SORT1: variants seen among roughly 807,000 people sequenced by gnomAD.
The protein encoded by SORT1 is sortilin.
Under a neutral mutation model 101.7 loss-of-function variants are expected in SORT1, and 39 were observed. The observed-to-expected ratio is 0.38, with a 90% confidence interval of 0.30 to 0.50. The LOEUF (loss-of-function observed/expected upper bound fraction) is 0.50, where lower values mean the gene tolerates loss of function less well. Ranked by LOEUF, SORT1 falls within the 20% of genes least tolerant of loss-of-function variation. The pLI, the probability that SORT1 is intolerant of heterozygous loss-of-function variation, is 0.90. For missense variants in SORT1, 878 were observed against 1,040.4 expected (o/e 0.84, Z 2.15); for synonymous variants, 396 against 393.7 (o/e 1.01, Z -0.07).
chr1:109,345,705 T>C, intron 8 of SORT1, 46 bp downstream of exon 8: 6 of 1,547,418 alleles, frequency 3.9e-6, no homozygotes, highest in Non-Finnish European at 5.3e-6. Flanking sequence ...ATACGAGAGA[T>C]ATTTGCAGAA....
At chr1:109,335,391 CAG>C (rs1474510442) in intron 11 of SORT1, among the ~76,000 whole-genome samples, 7 of 152,134 alleles carry the variant, frequency 4.6e-5, no homozygotes, top group Admixed American at 6.5e-5. Flanking sequence ...AGATGGGAAA[CAG>C]GGGTCAGAAA....
chr1:109,326,468 TACACAC>T (rs758005459), intron 13 of SORT1, among the ~76,000 whole-genome samples: 39 of 62,718 alleles, frequency 6.2e-4, no homozygotes, highest in East Asian at 3.2e-3. Context: ...TATATATACA[TACACAC>T]ACACACACAC....
At chr1:109,360,955 C>T (rs1335444631) in intron 3 of SORT1, among the ~76,000 whole-genome samples, 1 of 152,222 alleles carries the variant, frequency 6.6e-6, no homozygotes, top group Non-Finnish European at 1.5e-5. Flanking sequence ...TGGGTTCAAA[C>T]TGGCAGTTTT....
In SORT1 at chr1:109,313,109, C is replaced by G. The variant is rs1392801492; in HGVS notation, c.*934G>C. ...AACATGGAAGACTGTGAGGTTCCGT[C>G]TTCGGGGGTTCACACTGTGTACCCG... On this transcript the variant is annotated 3_prime_UTR_variant, in exon 20 of 20. Transcript: ENST00000256637. 6.6e-6 allele frequency: 1 copy of G among 152,206 alleles called. No homozygotes were observed. 9.4% of individuals were successfully genotyped at this position (152,206 alleles called of 1,614,324 possible). A position where few individuals can be genotyped will look rare whatever the true frequency, so the allele number is the denominator to read the frequency against.
intron 1 of SORT1, among the ~76,000 whole-genome samples, chr1:109,392,440 T>C (rs933283721): frequency 7.9e-5 from 12 of 152,234 alleles, no homozygotes; most frequent in Non-Finnish European, 1.5e-4. Context: ...CTATTATTGT[T>C]GTTAATAATC....
chr1:109,368,663 G>A (rs77909113), intron 2 of SORT1: 1 of 152,260 alleles, frequency 6.6e-6, no homozygotes, highest in African/African-American at 2.4e-5. Flanking sequence ...CTCCTAGTGG[G>A]AGCCCAGCTG....
intron 7 of SORT1, among the ~76,000 whole-genome samples, chr1:109,346,661 T>C (rs1349398081): frequency 6.8e-6 from 1 of 146,290 alleles, no homozygotes; most frequent in Non-Finnish European, 1.5e-5. Context: ...AGGAGAATGG[T>C]GTAAACCCAG....
At chr1:109,355,641 A>ACCCCCCCCCCCCCCCCCCCCCCCCC (rs529686433) in intron 3 of SORT1, among the ~76,000 whole-genome samples, 172 bp from the exon 4 acceptor site, 2 of 84,102 alleles carry the variant, frequency 2.4e-5, no homozygotes, top group South Asian at 5.0e-4. Flanking sequence ...AGAACATTCC[A>ACCCCCCCCCCCCCCCCCCCCCCCCC]CCCGCCCCCC....
chr1:109,327,685 AG>A, intron 11 of SORT1, 84 bp from the exon 12 acceptor site: 1 of 866,564 alleles, frequency 1.2e-6, no homozygotes, highest in Non-Finnish European at 1.7e-6. Flanking sequence ...CTTCCAATAA[AG>A]CTTTAAGTTA....
intron 3 of SORT1, among the ~76,000 whole-genome samples, chr1:109,364,143 A>G (rs1045884235): frequency 3.3e-5 from 5 of 152,210 alleles, no homozygotes; most frequent in Admixed American, 1.3e-4. Context: ...ACATTATACT[A>G]TATCAGAAAC....
intron 15 of SORT1, 119 bp downstream of exon 15, chr1:109,322,813 T>C (rs1647722762): frequency 1.3e-6 from 1 of 770,936 alleles, no homozygotes; most frequent in African/African-American, 1.7e-5. Context: ...GTGCTGGGAT[T>C]ACAGGTGTGA....
At chr1:109,376,356 TAAAAG>T (rs1651855721) in intron 1 of SORT1, among the ~76,000 whole-genome samples, 1 of 145,234 alleles carries the variant, frequency 6.9e-6, no homozygotes, top group Non-Finnish European at 1.5e-5. Context: ...AAAAGGAACT[TAAAAG>T]AGAACTATGA....
intron 14 of SORT1, among the ~76,000 whole-genome samples, 170 bp downstream of exon 14, chr1:109,324,729 G>GT (rs1373476328): frequency 6.6e-6 from 1 of 152,184 alleles, no homozygotes; most frequent in Non-Finnish European, 1.5e-5. Flanking sequence ...GGAGGAGGTT[G>GT]TTTTTCTGAT....
intron 15 of SORT1, among the ~76,000 whole-genome samples, chr1:109,321,600 T>C (rs1278793536): frequency 6.6e-6 from 1 of 152,162 alleles, no homozygotes; most frequent in Non-Finnish European, 1.5e-5. Flanking sequence ...GTGTGAGCCA[T>C]GCAGGAGAAA....
In SORT1 at chr1:109,391,884, T is replaced by C. The variant is rs192226040; in HGVS notation, c.306+5703A>G. On this transcript the variant is annotated intron_variant, in intron 1 of 19. Transcript: ENST00000256637. ...CAAGTTTTCACCAAGTTTTTAAAAA[T>C]AGAAGTAAAAGATGCAATAAAAACA... Among the ~76,000 whole-genome samples the C allele has an allele frequency of 3.2e-4, 48 of 152,224 alleles. No individual in the cohort carries two copies. The East Asian group carries it at 7.7e-3, about 24-fold the overall frequency.
At chr1:109,337,258 T>C (rs926074356) in intron 10 of SORT1, among the ~76,000 whole-genome samples, 1 of 152,198 alleles carries the variant, frequency 6.6e-6, no homozygotes, top group Non-Finnish European at 1.5e-5. Flanking sequence ...TATTTATTTA[T>C]TTATTGAGAT....
chr1:109,335,571 G>A (rs1260035264), intron 11 of SORT1, among the ~76,000 whole-genome samples: 2 of 152,048 alleles, frequency 1.3e-5, no homozygotes, highest in African/African-American at 2.4e-5. Flanking sequence ...GAGGGTTCGG[G>A]AACTACCGGT....
chr1:109,335,862 G>A (rs184285150), intron 11 of SORT1, among the ~76,000 whole-genome samples: 3 of 152,320 alleles, frequency 2.0e-5, no homozygotes, highest in Admixed American at 2.0e-4. Flanking sequence ...TGTTTCCGAT[G>A]AGCAAGGCTG....
chr1:109,351,954 TGA>T (rs1231108383), intron 5 of SORT1, among the ~76,000 whole-genome samples: 1 of 137,576 alleles, frequency 7.3e-6, no homozygotes, highest in Non-Finnish European at 1.5e-5. Context: ...CAGGGCAGGA[TGA>T]GAGGTAGGGG....
Sources: allele counts gnomAD v4.1 joint callset (sites outside exome capture counted in the v4.1 genomes callset), GRCh38; gene constraint gnomAD v4.1.1; transcripts MANE v1.5; gene names NCBI Gene and HGNC (gene_info 2026-07-23, HGNC 2026-07-21).